Variants in CDH11 observed in about 807,000 individuals in gnomAD.
CDH11 encodes the protein cadherin 11, also known as cadherin-11.
A neutral mutation model predicts 67.8 loss-of-function variants in CDH11; 11 were observed. The ratio of observed to expected loss-of-function variants is 0.16; its 90% confidence interval spans 0.10 to 0.27. The LOEUF (loss-of-function observed/expected upper bound fraction) is 0.27. Ranked by LOEUF, CDH11 falls within the 10% of genes least tolerant of loss-of-function variation. The pLI is 1.00. For synonymous variants in CDH11, 419 were observed against 400.0 expected, an observed-to-expected ratio of 1.05 and a Z score of -0.57; for missense variants, 847 against 1,031.2, an observed-to-expected ratio of 0.82 and a Z score of 2.45.
intron 1 of CDH11, among the ~76,000 whole-genome samples, chr16:65,074,094 G>C (rs1049944546): frequency 6.6e-6 from 1 of 152,158 alleles, no homozygotes; most frequent in Non-Finnish European, 1.5e-5. Context: ...CAAACAAATA[G>C]AATAAAGCAA....
At chr16:65,122,308 C>A, upstream of CDH11, 1 of 309,022 alleles carries the variant, frequency 3.2e-6, no homozygotes, top group Non-Finnish European at 6.1e-6. Flanking sequence ...GGATTCGTGG[C>A]CGCCCCTCCC....
intron 2 of CDH11, among the ~76,000 whole-genome samples, chr16:65,029,310 C>T (rs2073593952): frequency 6.6e-6 from 1 of 151,754 alleles, no homozygotes. Flanking sequence ...AAACCAAAAG[C>T]CAGAAGAAAT....
At position 64,950,835 on chromosome 16, in the gene CDH11, T is replaced by G. The variant is rs905543757; in HGVS notation, c.1826A>C (p.Tyr609Ser). Reference protein sequence around the residue: ...GALLSCNAEAYILNAGLSTGA... With the variant: ...GALLSCNAEASILNAGLSTGA... ...TGTGCTCAGGCCGGCGTTCAGAATG[T>G]AGGCCTCTGCGTTGCAGGAGAGCAG... Residue 609 changes from tyrosine to serine, a missense_variant, in exon 12 of 13, where the codon TAC becomes TCC. Around this residue, in one of 2 missense-constraint regions of CDH11, gnomAD observed 612 missense variants for 678.7 expected, o/e 0.90. Transcript: ENST00000268603. 2.5e-6 allele frequency: 4 copies of G among 1,614,066 alleles called. No homozygotes were observed. In the African/African-American group the frequency reaches 5.3e-5, roughly 22 times the overall value.
chr16:64,961,219 A>G (rs778201896), intron 11 of CDH11, among the ~76,000 whole-genome samples: 4 of 152,156 alleles, frequency 2.6e-5, no homozygotes, highest in Non-Finnish European at 5.9e-5. Flanking sequence ...AAGGACGGAG[A>G]AGGCCAAATC....
intron 11 of CDH11, among the ~76,000 whole-genome samples, chr16:64,970,473 G>A (rs927631168): frequency 6.6e-6 from 1 of 152,080 alleles, no homozygotes; most frequent in Non-Finnish European, 1.5e-5. Context: ...ATGATTCTGT[G>A]CCTCATTTTT....
At chr16:65,004,357 A>T (rs2072996891) in intron 3 of CDH11, among the ~76,000 whole-genome samples, 1 of 152,220 alleles carries the variant, frequency 6.6e-6, no homozygotes, top group East Asian at 1.9e-4. Flanking sequence ...TGGGCAACAG[A>T]GAGAGACCCC....
chr16:64,953,269 GAT>G (rs765230637), intron 11 of CDH11, among the ~76,000 whole-genome samples: 23 of 148,168 alleles, frequency 1.6e-4, no homozygotes, highest in Non-Finnish European at 2.7e-4. Context: ...TCTATATATA[GAT>G]ATATATATAT....
chr16:64,976,754 G>A (rs991861457), intron 8 of CDH11, among the ~76,000 whole-genome samples: 1 of 152,070 alleles, frequency 6.6e-6, no homozygotes, highest in African/African-American at 2.4e-5. Context: ...AGCTACTTGG[G>A]AGAGAATTGC....
intron 1 of CDH11, among the ~76,000 whole-genome samples, chr16:65,115,802 C>G (rs570266322): frequency 2.1e-4 from 32 of 150,482 alleles, no homozygotes; most frequent in African/African-American, 5.4e-4. Context: ...TGGCCAGGTA[C>G]AGTGGCTCAC....
chr16:65,103,534 T>C (rs528217206), intron 1 of CDH11, among the ~76,000 whole-genome samples: 2 of 152,332 alleles, frequency 1.3e-5, no homozygotes, highest in African/African-American at 4.8e-5. Context: ...GTAATCCGAT[T>C]CTAACTTTTT....
chr16:65,073,129 T>C (rs1357952244), intron 1 of CDH11, among the ~76,000 whole-genome samples: 2 of 152,202 alleles, frequency 1.3e-5, no homozygotes, highest in East Asian at 1.9e-4. Context: ...TGGACCAAAA[T>C]GGAAACAACT....
intron 1 of CDH11, among the ~76,000 whole-genome samples, chr16:65,115,724 A>AAC (rs1555530057): frequency 4.7e-5 from 7 of 147,410 alleles, no homozygotes; most frequent in African/African-American, 1.3e-4. Flanking sequence ...AAAAAAAACA[A>AAC]AAAAACAAAA....
At chr16:65,013,123 G>T (rs76521956) in intron 2 of CDH11, among the ~76,000 whole-genome samples, 5,381 of 152,244 alleles carry the variant, frequency 0.035, 160 homozygotes, top group East Asian at 0.12. Context: ...TTGCCTAGAC[G>T]GATGTTTTCA....
At position 64,982,245 on chromosome 16, in the gene CDH11, C is replaced by T. The variant is rs371917980; in HGVS notation, c.1056G>A (p.Val352=). The part of the protein sequence containing the change: ...AYSLKVEAAN[V]HIDPKFISNG... ...TGCTGATAAACTTCGGGTCGATGTG[C>T]ACGTTGGCTGCCTCTACCTTCAAGC... Residue 352 remains valine, a synonymous_variant, in exon 8 of 13, where the codon GTG becomes GTA. Coordinates refer to ENST00000268603, the MANE Select transcript of CDH11 (RefSeq NM_001797.4). 3 of 1,613,216 alleles carry T rather than the reference C, an allele frequency of 1.9e-6. No homozygotes were observed. Among genetic ancestry groups the T allele is most frequent in the Non-Finnish European group, 2.5e-6 (3 of 1,179,308 alleles).
At chr16:65,111,891 G>A (rs1415859497) in intron 1 of CDH11, among the ~76,000 whole-genome samples, 1 of 151,914 alleles carries the variant, frequency 6.6e-6, no homozygotes. Context: ...CCAACATGGT[G>A]AAACCCCGTC....
At chr16:65,073,362 T>A (rs1445117208) in intron 1 of CDH11, among the ~76,000 whole-genome samples, 3 of 152,234 alleles carry the variant, frequency 2.0e-5, no homozygotes, top group African/African-American at 7.2e-5. Context: ...CTTGGTTCAC[T>A]ACAACCTTTG....
In CDH11 at chr16:64,943,921, A is replaced by C. The variant is rs2071150140; in HGVS notation, c.*3682T>G. On this transcript the variant is annotated 3_prime_UTR_variant, in exon 13 of 13. Coordinates refer to ENST00000268603, the MANE Select transcript of CDH11 (RefSeq NM_001797.4). ...CACCCACACACATACATAAAGCCAA[A>C]AAGCAAAATAAGTTTAAAGAGTTGT... 8.7e-6 allele frequency: 2 copies of C among 230,260 alleles called. No homozygotes were observed. The highest frequency in any genetic ancestry group is 5.7e-5 in the Admixed American group (1 of 17,682). 14.3% of individuals were successfully genotyped at this position (230,260 alleles called of 1,614,324 possible).
chr16:65,049,483 A>C (rs1379447444), intron 2 of CDH11, among the ~76,000 whole-genome samples: 3 of 152,134 alleles, frequency 2.0e-5, no homozygotes, highest in African/African-American at 7.2e-5. Flanking sequence ...CATAGCAGCC[A>C]AAGTCTTGGT....
intron 1 of CDH11, among the ~76,000 whole-genome samples, chr16:65,113,326 A>G (rs1360671767): frequency 2.0e-5 from 3 of 152,104 alleles, no homozygotes; most frequent in Non-Finnish European, 4.4e-5. Context: ...AGATAGTGAA[A>G]AGAGATTGGG....
Sources: allele counts gnomAD v4.1 joint callset (sites outside exome capture counted in the v4.1 genomes callset), GRCh38; gene constraint gnomAD v4.1.1; regional missense constraint gnomAD v4.1.1; transcripts MANE v1.5; gene names NCBI Gene and HGNC (gene_info 2026-07-23, HGNC 2026-07-21).